Variants in AKAP19 observed in about 807,000 individuals in gnomAD.
AKAP19 encodes the protein A-kinase anchoring protein 19, also known as small A-kinase anchoring protein.
the AKAP19 span, among the ~76,000 whole-genome samples, chr2:189,942,901 C>G: frequency 6.6e-6 from 1 of 152,204 alleles, no homozygotes. Context: ...TTCTAACAGC[C>G]TATGCTCAGA....
chr2:190,186,575 A>G, the AKAP19 span, among the ~76,000 whole-genome samples: 1 of 152,182 alleles, frequency 6.6e-6, no homozygotes. The surrounding 1 kb of genome is among the most constrained non-coding windows in gnomAD (Gnocchi z 5.5). Flanking sequence ...AGTATTTTGT[A>G]GCTTTTCCTT....
the AKAP19 span, among the ~76,000 whole-genome samples, chr2:190,014,020 GTTTA>G: frequency 6.6e-6 from 1 of 151,988 alleles, no homozygotes; most frequent in South Asian, 2.1e-4. Flanking sequence ...ACGTTAGGTT[GTTTA>G]TTTGAGATCG....
At chr2:189,966,600 G>A in the AKAP19 span, among the ~76,000 whole-genome samples, 1 of 152,312 alleles carries the variant, frequency 6.6e-6, no homozygotes, top group Admixed American at 6.5e-5. Context: ...TAAAGCAACT[G>A]TTCTGTAACC....
the AKAP19 span, among the ~76,000 whole-genome samples, chr2:190,125,464 T>C: frequency 4.6e-5 from 7 of 152,194 alleles, no homozygotes. Context: ...CATTGGTCTT[T>C]AGAACAGCTT....
the AKAP19 span, among the ~76,000 whole-genome samples, chr2:190,111,269 A>G: frequency 2.6e-5 from 4 of 152,288 alleles, no homozygotes; most frequent in African/African-American, 7.2e-5. Flanking sequence ...GTGTTGGAAC[A>G]TATCTGTTGC....
the AKAP19 span, among the ~76,000 whole-genome samples, chr2:190,165,395 C>A: frequency 6.6e-6 from 1 of 152,002 alleles, no homozygotes; most frequent in Non-Finnish European, 1.5e-5. Flanking sequence ...TGAGATCCTG[C>A]CACTGTACTC....
the AKAP19 span, among the ~76,000 whole-genome samples, chr2:190,173,896 C>G: frequency 6.6e-6 from 1 of 152,140 alleles, no homozygotes; most frequent in African/African-American, 2.4e-5. Context: ...GTCTGACTTT[C>G]TTGTTCTTTA....
chr2:189,970,893 C>T, the AKAP19 span, among the ~76,000 whole-genome samples: 2 of 152,172 alleles, frequency 1.3e-5, no homozygotes, highest in African/African-American at 4.8e-5. Context: ...AAAACAATAT[C>T]GCCCTATGGC....
chr2:190,076,858 A>G, the AKAP19 span, among the ~76,000 whole-genome samples: 2 of 152,034 alleles, frequency 1.3e-5, no homozygotes, highest in Admixed American at 6.6e-5. Flanking sequence ...TTATTCATAT[A>G]TTTTTCTCCC....
At chr2:190,038,878 CTCTTTCTT>C in the AKAP19 span, among the ~76,000 whole-genome samples, 19 of 80,282 alleles carry the variant, frequency 2.4e-4, no homozygotes, top group South Asian at 1.1e-3. Context: ...AGAGTCCTCC[CTCTTTCTT>C]TCTTTCTTTC....
chr2:190,187,041 T>C, the AKAP19 span, among the ~76,000 whole-genome samples: 2 of 152,126 alleles, frequency 1.3e-5, no homozygotes, highest in Non-Finnish European at 2.9e-5. Flanking sequence ...CATTTCACCA[T>C]GTTGGCCAGG....
the AKAP19 span, among the ~76,000 whole-genome samples, chr2:190,197,306 G>A: frequency 4.1e-3 from 630 of 152,232 alleles, 1 homozygote; most frequent in African/African-American, 0.014. This position sits in a 1 kb window ranked among gnomAD's most constrained non-coding sequence, Gnocchi z 4.0. Flanking sequence ...AACTAAATAC[G>A]AAAGTGTTCA....
At chr2:189,962,239 G>A in the AKAP19 span, among the ~76,000 whole-genome samples, 1 of 152,178 alleles carries the variant, frequency 6.6e-6, no homozygotes, top group Non-Finnish European at 1.5e-5. Flanking sequence ...ACACTGCACA[G>A]GTTTTTAGTC....
At chr2:190,022,131 C>G in the AKAP19 span, among the ~76,000 whole-genome samples, 2,089 of 152,268 alleles carry the variant, frequency 0.014, 42 homozygotes, top group Middle Eastern at 0.031. Context: ...GCAGGGTCAT[C>G]ATGACCCAGC....
chr2:189,997,636 A>AGTTTATCTC, the AKAP19 span, among the ~76,000 whole-genome samples: 1 of 152,148 alleles, frequency 6.6e-6, no homozygotes, highest in Non-Finnish European at 1.5e-5. Context: ...AACAGCACCA[A>AGTTTATCTC]GTTTATCTCC....
chr2:190,004,221 T>C, the AKAP19 span, among the ~76,000 whole-genome samples: 1 of 152,068 alleles, frequency 6.6e-6, no homozygotes, highest in Non-Finnish European at 1.5e-5. Flanking sequence ...CATGTATACA[T>C]ATGTAACTAA....
chr2:189,880,036 A>G, the AKAP19 span, among the ~76,000 whole-genome samples: 1 of 152,164 alleles, frequency 6.6e-6, no homozygotes, highest in African/African-American at 2.4e-5. Flanking sequence ...ACCTGTATTC[A>G]GATGAACGGA....
chr2:190,167,543 C>A, the AKAP19 span, among the ~76,000 whole-genome samples: 2 of 152,186 alleles, frequency 1.3e-5, no homozygotes, highest in Non-Finnish European at 2.9e-5. Context: ...TGAGACAAGG[C>A]AAGTCCCTTC....
chr2:190,118,166 G>A, the AKAP19 span, among the ~76,000 whole-genome samples: 2 of 152,124 alleles, frequency 1.3e-5, no homozygotes, highest in African/African-American at 2.4e-5. Flanking sequence ...GACTAAACCA[G>A]GAAAAAGTTG....
Sources: allele counts gnomAD v4.1 joint callset (sites outside exome capture counted in the v4.1 genomes callset), GRCh38; gene constraint gnomAD v4.1.1; non-coding constraint Gnocchi (gnomAD v3.1); transcripts MANE v1.5; gene names NCBI Gene and HGNC (gene_info 2026-07-23, HGNC 2026-07-21).